PAIP2: variants seen among roughly 807,000 people sequenced by gnomAD.
PAIP2 encodes the protein polyadenylate-binding protein-interacting protein 2.
Under a neutral mutation model 14.8 loss-of-function variants are expected in PAIP2, and 7 were observed. That is an observed-to-expected ratio of 0.47 (90% CI 0.27 to 0.89). PAIP2 has a LOEUF of 0.89. Among genes scored for constraint, PAIP2 ranks in the 40% least tolerant of loss-of-function variants. PAIP2 has a pLI of 0.13. For missense variants in PAIP2, 122 were observed against 154.7 expected, an observed-to-expected ratio of 0.79 and a Z score of 1.12; for synonymous variants, 47 against 45.3, an observed-to-expected ratio of 1.04 and a Z score of -0.15.
intron 1 of PAIP2, among the ~76,000 whole-genome samples, chr5:139,352,513 T>TTTGTTTTTTTTTG (rs1756775922): frequency 6.7e-6 from 1 of 148,912 alleles, no homozygotes; most frequent in Admixed American, 6.7e-5. Flanking sequence ...TTTTTTTTTT[T>TTTGTTTTTTTTTG]TGAGATGGAG....
intron 1 of PAIP2, among the ~76,000 whole-genome samples, chr5:139,343,899 G>GTA (rs1756459609): frequency 6.6e-6 from 1 of 151,934 alleles, no homozygotes; most frequent in Non-Finnish European, 1.5e-5. Context: ...TGTATTTTTA[G>GTA]TAGAGACAGG....
intron 1 of PAIP2, among the ~76,000 whole-genome samples, chr5:139,344,486 A>G (rs1193459135): frequency 1.3e-5 from 2 of 152,180 alleles, no homozygotes; most frequent in African/African-American, 4.8e-5. Context: ...TTCATTGTTT[A>G]GAGTGGTGCT....
At chr5:139,350,661 T>C (rs1756700460) in intron 1 of PAIP2, among the ~76,000 whole-genome samples, 1 of 151,462 alleles carries the variant, frequency 6.6e-6, no homozygotes, top group African/African-American at 2.4e-5. Flanking sequence ...AAATAAAAAA[T>C]TGAAATAGTT....
At chr5:139,360,621 TA>T (rs1757040562) in intron 1 of PAIP2, among the ~76,000 whole-genome samples, 2 of 152,046 alleles carry the variant, frequency 1.3e-5, no homozygotes, top group South Asian at 4.1e-4. Flanking sequence ...GCCTCCCAAG[TA>T]GCTGGGACTG....
intron 1 of PAIP2, among the ~76,000 whole-genome samples, chr5:139,352,626 C>G (rs1452136312): frequency 6.6e-6 from 1 of 151,298 alleles, no homozygotes; most frequent in East Asian, 2.0e-4. Flanking sequence ...CATGTGCCAC[C>G]ACGCCCGGCT....
chr5:139,354,648 C>T (rs1694303966), intron 1 of PAIP2, among the ~76,000 whole-genome samples: 1 of 152,090 alleles, frequency 6.6e-6, no homozygotes, highest in African/African-American at 2.4e-5. Context: ...TATTTTGGCA[C>T]AGTTGATGTC....
chr5:139,361,794 A>G (rs116373595), intron 1 of PAIP2, among the ~76,000 whole-genome samples: 4,732 of 152,192 alleles, frequency 0.031, 128 homozygotes, highest in Non-Finnish European at 0.042. Flanking sequence ...AAAATACAAA[A>G]GTTAGCCAGG....
chr5:139,364,186 C>G (rs1008090998), intron 2 of PAIP2: 1 of 475,322 alleles, frequency 2.1e-6, no homozygotes, highest in African/African-American at 2.0e-5. Context: ...TCAGAGCTCT[C>G]AGATGGTTCC....
chr5:139,366,771 AAC>A (rs2152056756), intron 3 of PAIP2, among the ~76,000 whole-genome samples: 1 of 152,314 alleles, frequency 6.6e-6, no homozygotes, highest in African/African-American at 2.4e-5. Flanking sequence ...TTCATTTAAG[AAC>A]ACTGTGCCTG....
intron 1 of PAIP2, among the ~76,000 whole-genome samples, chr5:139,363,079 A>C (rs866051074): frequency 1.2e-4 from 18 of 152,034 alleles, no homozygotes; most frequent in Middle Eastern, 3.2e-3. Context: ...CATCTCTACT[A>C]AAAATACAAA....
In PAIP2 at chr5:139,342,441, G is replaced by A. The variant is rs1232300503; in HGVS notation, c.-27+461G>A. On this transcript the variant is annotated intron_variant, in intron 1 of 3. Transcript: ENST00000265192. ...GCTGCGCGTGCGCGCCTCAGCCGAG[G>A]CTGGGGTTTGGGGAGAGAGGGGCGG... The A allele has an allele frequency of 2.6e-5, 4 of 152,136 alleles. No individual in the cohort carries two copies. In the East Asian group the frequency reaches 7.7e-4, roughly 29 times the overall value. The allele number at this position is 152,136 out of a possible 1,614,324, so 9.4% of individuals were successfully genotyped here.
At position 139,357,773 on chromosome 5, in the gene PAIP2, A is replaced by G. The variant is rs1269821657; in HGVS notation, c.-26-5986A>G. Among the ~76,000 whole-genome samples, 9 of 152,272 alleles carry G rather than the reference A, an allele frequency of 5.9e-5. No homozygotes were observed. In the South Asian group the frequency reaches 1.4e-3, roughly 25 times the overall value. On this transcript the variant is annotated intron_variant, in intron 1 of 3. Coordinates refer to ENST00000265192, the MANE Select transcript of PAIP2 (RefSeq NM_016480.5). ...TTGAACCTAGGAGGCAGAGGTTGCA[A>G]TGAGCTGAGATTACGCGACTACACT...
intron 1 of PAIP2, among the ~76,000 whole-genome samples, chr5:139,348,954 G>A (rs769190989): frequency 2.2e-4 from 34 of 152,196 alleles, no homozygotes; most frequent in Non-Finnish European, 4.6e-4. Flanking sequence ...GGGATTACAA[G>A]CGTGAGCCAC....
chr5:139,363,867 A>G lies in PAIP2; in HGVS notation c.83A>G (p.Asp28Gly). 6.2e-7 allele frequency: 1 copy of G among 1,613,870 alleles called. No individual in the cohort carries two copies. The highest frequency in any genetic ancestry group is 8.5e-7 in the Non-Finnish European group (1 of 1,179,688). ...VIINGHSHED[D>G]NPFAEYMWME... Reference sequence around the variant, plus strand: ...ATTAACGGTCATTCTCATGAAGATGACAATCCATTTGCAGAGTACATGTGG... The same window carrying G: ...ATTAACGGTCATTCTCATGAAGATGGCAATCCATTTGCAGAGTACATGTGG... The change falls in exon 2 of 4, where the codon GAC becomes GGC. Residue 28 changes from aspartate (D) to glycine (G), a missense_variant. Transcript: ENST00000265192.
chr5:139,356,050 A>G (rs927736424), intron 1 of PAIP2, among the ~76,000 whole-genome samples: 3 of 152,010 alleles, frequency 2.0e-5, no homozygotes, highest in African/African-American at 7.2e-5. Flanking sequence ...AGGCAGGGGA[A>G]CCACTTGAAC....
At chr5:139,347,776 A>G (rs990902614) in intron 1 of PAIP2, among the ~76,000 whole-genome samples, 13 of 152,154 alleles carry the variant, frequency 8.5e-5, no homozygotes, top group Admixed American at 7.2e-4. Flanking sequence ...ACATCCATAA[A>G]AAAAAAAAAG....
chr5:139,343,986 G>C (rs1488487420), intron 1 of PAIP2, among the ~76,000 whole-genome samples: 1 of 152,132 alleles, frequency 6.6e-6, no homozygotes, highest in Non-Finnish European at 1.5e-5. Flanking sequence ...AACAGAGCAA[G>C]TTTTATCTTG....
intron 2 of PAIP2, 188 bp downstream of exon 2, chr5:139,364,110 T>C (rs1757150006): frequency 1.7e-6 from 1 of 588,798 alleles, no homozygotes; most frequent in Non-Finnish European, 3.0e-6. Context: ...CTGGGGAGCT[T>C]GTTTCAGGGT....
chr5:139,363,901 TGAA>T lies in PAIP2; in HGVS notation c.124_126del (p.Glu42del). 1.2e-6 allele frequency: 2 copies of T among 1,613,680 alleles called. No homozygotes were observed. Among genetic ancestry groups the T allele is most frequent in the Non-Finnish European group, 1.7e-6 (2 of 1,179,788 alleles). On this transcript the variant is annotated inframe_deletion, in exon 2 of 4. Coordinates refer to ENST00000265192, the MANE Select transcript of PAIP2 (RefSeq NM_016480.5). ...TTGCAGAGTACATGTGGATGGAAAA[TGAA>T]GAAGAATTCAACAGACAAGTTAGTT...
Sources: allele counts gnomAD v4.1 joint callset (sites outside exome capture counted in the v4.1 genomes callset), GRCh38; gene constraint gnomAD v4.1.1; transcripts MANE v1.5; gene names NCBI Gene and HGNC (gene_info 2026-07-23, HGNC 2026-07-21).